Variants in KATNIP observed in about 807,000 individuals in gnomAD.
KATNIP encodes the protein katanin interacting protein, also known as katanin-interacting protein.
A neutral mutation model predicts 174.0 loss-of-function variants in KATNIP; 126 were observed. The observed-to-expected ratio is 0.72, with a 90% confidence interval of 0.63 to 0.84. KATNIP has a LOEUF of 0.84. Among genes scored for constraint, KATNIP ranks in the 40% least tolerant of loss-of-function variants. KATNIP has a pLI of 0.00. For synonymous variants in KATNIP, 810 were observed against 835.7 expected, an observed-to-expected ratio of 0.97 and a Z score of 0.53; for missense variants, 1,958 against 2,109.7, an observed-to-expected ratio of 0.93 and a Z score of 1.41.
At chr16:27,571,448 G>GA (rs761147324) in intron 1 of KATNIP, among the ~76,000 whole-genome samples, 2,869 of 138,714 alleles carry the variant, frequency 0.021, 59 homozygotes, top group African/African-American at 0.059. Context: ...AACTCTTAAA[G>GA]AAAAAAAAAA....
intron 5 of KATNIP, among the ~76,000 whole-genome samples, chr16:27,634,883 A>G (rs1322635616): frequency 6.6e-6 from 1 of 152,200 alleles, no homozygotes; most frequent in Admixed American, 6.5e-5. Context: ...TAGGGCCGCC[A>G]AACGAGGAGA....
intron 15 of KATNIP, among the ~76,000 whole-genome samples, chr16:27,745,360 T>TCC (rs1325575048): frequency 6.6e-6 from 1 of 152,352 alleles, no homozygotes; most frequent in African/African-American, 2.4e-5. Context: ...CTCACTTTCC[T>TCC]CACGATATCA....
intron 2 of KATNIP, among the ~76,000 whole-genome samples, chr16:27,613,603 G>C (rs190431116): frequency 7.2e-5 from 11 of 152,214 alleles, no homozygotes; most frequent in African/African-American, 2.7e-4. Context: ...TGTGTTCTGG[G>C]AAGATGCATG....
intron 8 of KATNIP, 108 bp downstream of exon 8, chr16:27,681,638 A>G (rs2078347595): frequency 7.8e-7 from 1 of 1,282,218 alleles, no homozygotes; most frequent in African/African-American, 1.5e-5. Flanking sequence ...GCAGAGGGCT[A>G]GCTGCCCTTT....
At chr16:27,678,347 C>T (rs2078199702) in intron 7 of KATNIP, among the ~76,000 whole-genome samples, 1 of 152,122 alleles carries the variant, frequency 6.6e-6, no homozygotes, top group Non-Finnish European at 1.5e-5. Context: ...TGTAGCAAGA[C>T]TCATTTTCTC....
intron 20 of KATNIP, among the ~76,000 whole-genome samples, chr16:27,768,382 A>C (rs1252762270): frequency 6.6e-6 from 1 of 152,204 alleles, no homozygotes; most frequent in Non-Finnish European, 1.5e-5. Flanking sequence ...AGCTCTGCCC[A>C]GGGAAGTCAG....
At chr16:27,639,225 C>T (rs2142239800) in intron 5 of KATNIP, among the ~76,000 whole-genome samples, 1 of 152,316 alleles carries the variant, frequency 6.6e-6, no homozygotes, top group African/African-American at 2.4e-5. Flanking sequence ...TAAAACCCTT[C>T]CCAAGCCCCT....
chr16:27,620,888 G>A (rs1038005249), intron 3 of KATNIP, among the ~76,000 whole-genome samples: 3 of 152,244 alleles, frequency 2.0e-5, no homozygotes, highest in Non-Finnish European at 4.4e-5. Context: ...TTAATGCAAA[G>A]GGAAGCATTG....
intron 14 of KATNIP, 67 bp downstream of exon 14, chr16:27,721,762 A>G (rs762794030): frequency 1.5e-5 from 23 of 1,562,362 alleles, no homozygotes; most frequent in Middle Eastern, 1.7e-4. Flanking sequence ...GTTTGCCAAT[A>G]GCCTGATTCC....
intron 1 of KATNIP, among the ~76,000 whole-genome samples, chr16:27,561,005 T>C (rs2141593339): frequency 6.6e-6 from 1 of 152,040 alleles, no homozygotes; most frequent in East Asian, 1.9e-4. Flanking sequence ...TGCATCCTTT[T>C]TGTCTTTTTT....
In KATNIP at chr16:27,749,639, G is replaced by T; in HGVS notation, c.2679G>T (p.Glu893Asp). The T allele has an allele frequency of 6.3e-7, 1 of 1,588,424 alleles. No homozygotes were observed. The highest frequency in any genetic ancestry group is 8.6e-7 in the Non-Finnish European group (1 of 1,167,966). ...GGTCAAGGTGGCGCAGTGAGCAGGA[G>T]CACACACTTCACGAGTCATGGAGCT... ...PSRSRWRSEQ[E>D]HTLHESWSSL... The change falls in exon 16 of 28, where the codon GAG becomes GAT. Residue 893 changes from glutamate to aspartate, a missense_variant. By Grantham distance (45) the Glu-to-Asp change is conservative (BLOSUM62 2). This residue lies in a region of KATNIP where 1,557 missense variants were observed against 1,617.8 expected (regional missense o/e 0.96). Coordinates refer to ENST00000261588, the MANE Select transcript of KATNIP (RefSeq NM_015202.5).
Position 27,617,841 on chromosome 16 carries a change from C to T in KATNIP, c.64-584C>T, listed in dbSNP as rs547910613. ...CTTCAACTTCCAAGACTCAGGCAGT[C>T]CTCCCCCTTCAGCCCCCGCCAAGTA... On this transcript the variant is annotated intron_variant, in intron 2 of 27. Coordinates refer to ENST00000261588, the MANE Select transcript of KATNIP (RefSeq NM_015202.5). 3.9e-5 allele frequency among the ~76,000 whole-genome samples: 6 copies of T among 152,144 alleles called. No individual in the cohort carries two copies. The East Asian group carries it at 1.2e-3, about 29-fold the overall frequency.
intron 14 of KATNIP, among the ~76,000 whole-genome samples, chr16:27,724,778 G>T (rs1181179849): frequency 1.3e-5 from 2 of 152,206 alleles, no homozygotes; most frequent in African/African-American, 4.8e-5. Flanking sequence ...TAAAATGAGA[G>T]TTTATAGGAA....
intron 2 of KATNIP, among the ~76,000 whole-genome samples, chr16:27,590,710 T>G (rs965834450): frequency 6.6e-6 from 1 of 152,224 alleles, no homozygotes; most frequent in African/African-American, 2.4e-5. Context: ...CTTTGACCCT[T>G]GGCCTGGGGC....
intron 19 of KATNIP, among the ~76,000 whole-genome samples, chr16:27,763,325 A>T (rs2082014291): frequency 6.6e-6 from 1 of 150,422 alleles, no homozygotes; most frequent in Non-Finnish European, 1.5e-5. Context: ...AAAAAAAAGT[A>T]GCCAGGTACT....
At chr16:27,763,314 TA>T (rs1567417088) in intron 19 of KATNIP, among the ~76,000 whole-genome samples, 1 of 124,452 alleles carries the variant, frequency 8.0e-6, no homozygotes, top group Admixed American at 8.1e-5. Flanking sequence ...AAAAAATAAA[TA>T]AAAAAAAGTA....
rs1033782266 is a variant in KATNIP at position 27,708,621 on chromosome 16, T to G, written c.1390-84T>G. ...TGAGACCCTGAAGGTTAACTAACTTTTTGAAGGCAGTGGTGGCAGAGGCAG... is the reference window on the plus strand; with the variant it reads ...TGAGACCCTGAAGGTTAACTAACTTGTTGAAGGCAGTGGTGGCAGAGGCAG... On this transcript the variant is annotated intron_variant, in intron 12 of 27. Transcript: ENST00000261588. The G allele has an allele frequency of 7.4e-6, 8 of 1,083,968 alleles. No individual in the cohort carries two copies. The African/African-American group carries it at 1.1e-4, about 15-fold the overall frequency. The allele number at this position is 1,083,968 out of a possible 1,614,324, so 67.1% of individuals were successfully genotyped here.
chr16:27,568,039 T>C (rs1267277077), intron 1 of KATNIP, among the ~76,000 whole-genome samples: 1 of 152,232 alleles, frequency 6.6e-6, no homozygotes, highest in Non-Finnish European at 1.5e-5. Flanking sequence ...TTCACATGCC[T>C]CTCTGGGTAG....
chr16:27,689,547 G>A (rs1030740763), intron 8 of KATNIP, among the ~76,000 whole-genome samples: 22 of 152,226 alleles, frequency 1.4e-4, no homozygotes, highest in Admixed American at 9.2e-4. Flanking sequence ...AAAATCACCC[G>A]CACTCCTGGG....
Sources: allele counts gnomAD v4.1 joint callset (sites outside exome capture counted in the v4.1 genomes callset), GRCh38; gene constraint gnomAD v4.1.1; regional missense constraint gnomAD v4.1.1; transcripts MANE v1.5; gene names NCBI Gene and HGNC (gene_info 2026-07-23, HGNC 2026-07-21).